The following INTS1 variants were observed in gnomAD, a reference collection of about 807,000 sequenced individuals.
INTS1 encodes integrator complex subunit 1.
A neutral mutation model predicts 241.6 loss-of-function variants in INTS1; 137 were observed. The ratio of observed to expected loss-of-function variants is 0.57; its 90% CI spans 0.49 to 0.65. The LOEUF (loss-of-function observed/expected upper bound fraction) is 0.65. INTS1 is among the 30% of genes least tolerant of loss of function. The pLI, the probability that INTS1 is intolerant of heterozygous loss-of-function variation, is 0.00. For missense variants in INTS1, 3,073 were observed against 3,032.2 expected, an observed-to-expected ratio of 1.01 and a Z score of -0.32; for synonymous variants, 1,692 against 1,337.8, an observed-to-expected ratio of 1.26 and a Z score of -5.78.
Position 1,493,189 on chromosome 7 carries a change from G to A in INTS1, c.2069-83C>T. ...CAGCGAGGGAACCGGCCCTGCTCGG[G>A]CCGCGTCGGGGTGGGGTGGGGGATG... On this transcript the variant is annotated intron_variant, in intron 15 of 47. Transcript: ENST00000404767. This position sits in a 1 kb window ranked among gnomAD's most constrained non-coding sequence, Gnocchi z 5.3. 1 of 1,101,320 alleles carries A rather than the reference G, an allele frequency of 9.1e-7. No homozygotes were observed. The highest frequency in any genetic ancestry group is 2.6e-5 in the East Asian group (1 of 38,656). The allele number at this position is 1,101,320 out of a possible 1,614,324, so 68.2% of individuals were successfully genotyped here.
Position 1,470,317 on chromosome 7 carries a change from G to C in INTS1, c.*260C>G. 2.1e-6 allele frequency: 1 copy of C among 467,726 alleles called. No homozygotes were observed. Among genetic ancestry groups the C allele is most frequent in the Non-Finnish European group, 3.8e-6 (1 of 265,616 alleles). The allele number at this position is 467,726 out of a possible 1,614,324, so 29.0% of individuals were successfully genotyped here. ...TTCATTCAAAACCAGCCCAGGCCAT[G>C]CCCGGGGGGATCCGCCGCTCCGCGG... On this transcript the variant is annotated 3_prime_UTR_variant, in exon 48 of 48. Transcript: ENST00000404767.
intron 45 of INTS1, 25 bp from the exon 46 acceptor site, chr7:1,471,249 G>A: frequency 6.4e-7 from 1 of 1,556,706 alleles, no homozygotes; most frequent in Non-Finnish European, 8.7e-7. Flanking sequence ...GGTGGGAGGT[G>A]TGTGACCAAG....
chr7:1,483,649 A>C, intron 26 of INTS1, 93 bp downstream of exon 26: 1 of 970,992 alleles, frequency 1.0e-6, no homozygotes, highest in East Asian at 2.5e-5. Context: ...TCCCGCCCAG[A>C]AGCAAGGCAA....
intron 46 of INTS1, 52 bp downstream of exon 46, chr7:1,471,081 G>GT: frequency 6.5e-7 from 1 of 1,533,266 alleles, no homozygotes; most frequent in Non-Finnish European, 8.8e-7. Context: ...CGGTGACCTG[G>GT]GTTAGCAGGG....
chr7:1,479,719 G>T, intron 30 of INTS1, 35 bp from the exon 31 acceptor site: 1 of 1,443,542 alleles, frequency 6.9e-7, no homozygotes, highest in South Asian at 1.5e-5. Flanking sequence ...GGAGGAAGCG[G>T]AGGAGAAGGA....
chr7:1,470,679 C>G lies in INTS1; in HGVS notation c.6471G>C (p.Val2157=). The G allele has an allele frequency of 1.3e-6, 2 of 1,563,844 alleles. No homozygotes were observed. The highest frequency in any genetic ancestry group is 1.7e-6 in the Non-Finnish European group (2 of 1,155,128). The change falls in exon 48 of 48, where the codon GTG becomes GTC. Residue 2157 remains valine, a synonymous_variant. Transcript: ENST00000404767. ...YALLCQEHAA[V]LLHRAFLVGM... ...CCACCAGGAAGGCCCGGTGGAGCAG[C>G]ACAGCCGCGTGCTCTGTGGGGGAAA...
chr7:1,503,222 C>T lies in INTS1; in HGVS notation c.59-31G>A, dbSNP rs767139825. On this transcript the variant is annotated intron_variant, in intron 2 of 47. Coordinates refer to ENST00000404767, the MANE Select transcript of INTS1 (RefSeq NM_001080453.3). ...GAGAAAGGAGAGAGAAAACCGGGCA[C>T]ATTTGCAACACCCAAGATGGAAAAA... 4 of 1,513,188 alleles carry T rather than the reference C, an allele frequency of 2.6e-6. No homozygotes were observed. The Admixed American group carries it at 9.0e-5, about 34-fold the overall frequency. The allele number at this position is 1,513,188 out of a possible 1,614,324, so 93.7% of individuals were successfully genotyped here.
rs1337817913 is a variant in INTS1 at position 1,489,708 on chromosome 7, A to G, written c.2166-26T>C. Reference sequence around the variant, plus strand: ...CTGGAAGGCAGGGGCGCCCCGACTCAGGCCCAGCGCACCAAGCTCAGCGCC... The same window carrying G: ...CTGGAAGGCAGGGGCGCCCCGACTCGGGCCCAGCGCACCAAGCTCAGCGCC... On this transcript the variant is annotated intron_variant, in intron 16 of 47. Coordinates refer to ENST00000404767, the MANE Select transcript of INTS1 (RefSeq NM_001080453.3). 3.5e-6 allele frequency: 5 copies of G among 1,447,428 alleles called. No individual in the cohort carries two copies. The African/African-American group carries it at 7.1e-5, about 21-fold the overall frequency. The allele number at this position is 1,447,428 out of a possible 1,614,324, so 89.7% of individuals were successfully genotyped here.
At position 1,473,619 on chromosome 7, in the gene INTS1, G is replaced by C; in HGVS notation, c.5904C>G (p.Thr1968=). Residue 1968 remains threonine (T), a synonymous_variant, in exon 42 of 48, where the codon ACC becomes ACG. Coordinates refer to ENST00000404767, the MANE Select transcript of INTS1 (RefSeq NM_001080453.3). ...KFVQFIHKYI[T]YNAPAAISFL... ...AGGAGATGGCTGCTGGGGCATTGTA[G>C]GTAATGTACTTATGGATGAACTGCA... 6.2e-7 allele frequency: 1 copy of C among 1,612,852 alleles called. No individual in the cohort carries two copies. Among genetic ancestry groups the C allele is most frequent in the Non-Finnish European group, 8.5e-7 (1 of 1,179,572 alleles).
chr7:1,492,599 G>C (rs1205566756), intron 16 of INTS1, among the ~76,000 whole-genome samples: 2 of 147,790 alleles, frequency 1.4e-5, no homozygotes, highest in Admixed American at 6.7e-5. Flanking sequence ...TCTCGATAAA[G>C]CCGTGAATAT....
At chr7:1,480,573 T>C (rs1428866015) in intron 29 of INTS1, 132 bp from the exon 30 acceptor site, 2 of 1,057,518 alleles carry the variant, frequency 1.9e-6, no homozygotes, top group Admixed American at 2.8e-5. Context: ...CTGGGCTCTG[T>C]GTTCCCCAAG....
At position 1,483,857 on chromosome 7, in the gene INTS1, T is replaced by G. The variant is rs776327162; in HGVS notation, c.3430-4A>C. The G allele has an allele frequency of 1.2e-6, 2 of 1,606,440 alleles. No homozygotes were observed. Among genetic ancestry groups the G allele is most frequent in the Non-Finnish European group, 1.7e-6 (2 of 1,174,466 alleles). On this transcript the variant is annotated splice_polypyrimidine_tract_variant and splice_region_variant and intron_variant, in intron 25 of 47. Coordinates refer to ENST00000404767, the MANE Select transcript of INTS1 (RefSeq NM_001080453.3). Reference sequence around the variant, plus strand: ...AGACCTGGTCCTGAGACTCCGACTGTGGGAAAAGAGGTGGAGTCAGGCCGT... The same window carrying G: ...AGACCTGGTCCTGAGACTCCGACTGGGGGAAAAGAGGTGGAGTCAGGCCGT...
Position 1,487,833 on chromosome 7 carries a change from C to T in INTS1, c.2443G>A (p.Ala815Thr). The T allele has an allele frequency of 6.2e-7, 1 of 1,613,232 alleles. No homozygotes were observed. Among genetic ancestry groups the T allele is most frequent in the Non-Finnish European group, 8.5e-7 (1 of 1,179,854 alleles). ...EILAFEGHLA[A>T]ASTKQTITES... The stretch of plus-strand genomic sequence containing the variant: ...GTGATGGTCTGCTTGGTGGACGCGG[C>T]CGCCAGGTGCCCCTCGAAGGCCAGG... Residue 815 changes from alanine (A) to threonine (T), a missense_variant, in exon 19 of 48, where the codon GCC becomes ACC. Physicochemically the swap from Ala to Thr is moderately conservative, Grantham distance 58. Coordinates refer to ENST00000404767, the MANE Select transcript of INTS1 (RefSeq NM_001080453.3).
rs1782092209 is a variant in INTS1, at chr7:1,483,443, C to T, written c.3541+299G>A. On this transcript the variant is annotated intron_variant, in intron 26 of 47. Transcript: ENST00000404767. ...CCGCCTCCCAGGCACCGCAGGCCTA[C>T]ACGGTTAGGCTGGGGCAGTGAGGAC... is the stretch of plus-strand genomic sequence containing the variant. 12 of 487,060 alleles carry T rather than the reference C, an allele frequency of 2.5e-5. No individual in the cohort carries two copies. In the South Asian group the frequency reaches 2.5e-4, roughly 10 times the overall value. 30.2% of individuals were successfully genotyped at this position (487,060 alleles called of 1,614,324 possible). A position where few individuals can be genotyped will look rare whatever the true frequency, so the allele number is the denominator to read the frequency against.
rs373221522 is a variant in INTS1, at chr7:1,482,541, C to T, written c.3703+5G>A. On this transcript the variant is annotated splice_donor_5th_base_variant and intron_variant, in intron 27 of 47. Transcript: ENST00000404767. ...GCCCCTGCCCAAGCCCAGCCTGGAC[C>T]GTACCGGCGTCCACCAGGCGGAGCA... 128 of 1,603,404 alleles carry T rather than the reference C, an allele frequency of 8.0e-5. No homozygotes were observed. Among genetic ancestry groups the T allele is most frequent in the Middle Eastern group, 1.7e-4 (1 of 6,050 alleles).
In INTS1 at chr7:1,474,817, A is replaced by T. The variant is rs771797708; in HGVS notation, c.5524T>A (p.Phe1842Ile). The T allele has an allele frequency of 1.6e-4, 258 of 1,590,650 alleles. No homozygotes were observed. Among genetic ancestry groups the T allele is most frequent in the Non-Finnish European group, 2.2e-4 (253 of 1,171,208 alleles). Residue 1842 changes from phenylalanine to isoleucine, a missense_variant, in exon 40 of 48, where the codon TTC becomes ATC. Phe to Ile is a conservative substitution (Grantham distance 21). Coordinates refer to ENST00000404767, the MANE Select transcript of INTS1 (RefSeq NM_001080453.3). ...VCKLDGLIHR[F>I]ITLLADTSDS... The stretch of plus-strand genomic sequence containing the variant: ...CTGGTGTCCGCAAGGAGCGTGATGA[A>T]GCGGTGGATGAGTCCGTCCAGCTGC...
Position 1,504,346 on chromosome 7 carries a change from G to A in INTS1, c.-65C>T, listed in dbSNP as rs1194811889. 1 of 497,990 alleles carries A rather than the reference G, an allele frequency of 2.0e-6. No individual in the cohort carries two copies. Among genetic ancestry groups the A allele is most frequent in the Admixed American group, 2.2e-5 (1 of 44,718 alleles). The allele number at this position is 497,990 out of a possible 1,614,324, so 30.8% of individuals were successfully genotyped here. ...ACCTCTGGCCCATCGCGACCGGAGC[G>A]CCGCCGCCGCCACCCGGCCACCCCG... On this transcript the variant is annotated 5_prime_UTR_variant, in exon 1 of 48. Coordinates refer to ENST00000404767, the MANE Select transcript of INTS1 (RefSeq NM_001080453.3).
intron 12 of INTS1, among the ~76,000 whole-genome samples, chr7:1,495,938 A>AC (rs1441370159): frequency 2.6e-5 from 4 of 151,980 alleles, no homozygotes; most frequent in Non-Finnish European, 5.9e-5. Flanking sequence ...CACACAAAGG[A>AC]CGCTCATGGG....
intron 30 of INTS1, 92 bp downstream of exon 30, chr7:1,480,225 A>T (rs1202427738): frequency 7.0e-7 from 1 of 1,429,250 alleles, no homozygotes; most frequent in Non-Finnish European, 9.3e-7. Context: ...CGGTCACGCA[A>T]GTAAAGGCCG....
Sources: allele counts gnomAD v4.1 joint callset (sites outside exome capture counted in the v4.1 genomes callset), GRCh38; gene constraint gnomAD v4.1.1; non-coding constraint Gnocchi (gnomAD v3.1); transcripts MANE v1.5; gene names NCBI Gene and HGNC (gene_info 2026-07-23, HGNC 2026-07-21).